Variants in SORBS2 observed in about 807,000 individuals in gnomAD.
SORBS2 encodes sorbin and SH3 domain-containing protein 2.
SORBS2 carries 46 observed loss-of-function variants against 97.7 expected under a neutral mutation model. That is an observed-to-expected ratio of 0.47 (90% confidence interval 0.37 to 0.60). The LOEUF is 0.60. SORBS2 is among the 20% of genes least tolerant of loss of function. The pLI, the probability that SORBS2 is intolerant of heterozygous loss-of-function variation, is 0.00. For synonymous variants in SORBS2, 476 were observed against 473.4 expected, an observed-to-expected ratio of 1.01 and a Z score of -0.07; for missense variants, 1,316 against 1,282.3, an observed-to-expected ratio of 1.03 and a Z score of -0.40.
chr4:185,812,839 A>G (rs1193963179), intron 1 of SORBS2: 3 of 152,228 alleles, frequency 2.0e-5, no homozygotes, highest in African/African-American at 4.8e-5. Context: ...AAAAAATCCT[A>G]TTGCTTCTAC....
Position 185,857,943 on chromosome 4 carries a change from C to A in SORBS2, c.-337-82577G>T, listed in dbSNP as rs528957897. ...ATCAGTAATTCTAATTTTGCCCTTG[C>A]CTTGTGATCTTGCTCTGCCTTTGCC... On this transcript the variant is annotated intron_variant, in intron 1 of 20. Coordinates refer to the SORBS2 transcript ENST00000284776. 1.8e-3 allele frequency among the ~76,000 whole-genome samples: 272 copies of A among 152,266 alleles called. 1 individual carries two copies. The highest frequency in any genetic ancestry group is 6.1e-3 in the African/African-American group (255 of 41,544).
At chr4:185,905,777 T>C (rs552969763) in intron 1 of SORBS2, among the ~76,000 whole-genome samples, 1 of 152,238 alleles carries the variant, frequency 6.6e-6, no homozygotes, top group Admixed American at 6.5e-5. Flanking sequence ...TCTGTCTTTT[T>C]GTAGGTGTGT....
chr4:185,755,917 A>T (rs1441385572), intron 2 of SORBS2, among the ~76,000 whole-genome samples: 1 of 152,232 alleles, frequency 6.6e-6, no homozygotes, highest in East Asian at 1.9e-4. Context: ...GTAACTCTGC[A>T]TGTCAGAAAA....
chr4:185,706,297 G>A (rs1279729717), intron 2 of SORBS2, among the ~76,000 whole-genome samples: 1 of 151,990 alleles, frequency 6.6e-6, no homozygotes, highest in Non-Finnish European at 1.5e-5. Flanking sequence ...TCAGTACATG[G>A]GCTGTTTGTA....
chr4:185,656,440 C>CTT lies in SORBS2; in HGVS notation c.24+173_24+174dup, dbSNP rs35080375. Among the ~76,000 whole-genome samples, 166 of 141,014 alleles carry CTT rather than the reference C, an allele frequency of 1.2e-3. 1 individual carries two copies. Among genetic ancestry groups the CTT allele is most frequent in the African/African-American group, 3.1e-3 (118 of 38,280 alleles). The allele number at this position is 141,014 out of a possible 152,430, so 92.5% of individuals were successfully genotyped here. ...TTGACTGTTTCCAATCTTACCACGG[C>CTT]TTTTTTTTTTTTTTTCCTGCTCTCT... is the stretch of plus-strand genomic sequence containing the variant. On this transcript the variant is annotated intron_variant, in intron 1 of 14. Transcript: ENST00000418609.
At chr4:185,705,695 G>A (rs2098333182) in intron 2 of SORBS2, among the ~76,000 whole-genome samples, 1 of 152,144 alleles carries the variant, frequency 6.6e-6, no homozygotes, top group South Asian at 2.1e-4. Context: ...TTTACCCAGT[G>A]AATATTTATA....
intron 1 of SORBS2, among the ~76,000 whole-genome samples, chr4:185,852,720 G>A (rs1317235700): frequency 6.6e-6 from 1 of 152,196 alleles, no homozygotes; most frequent in African/African-American, 2.4e-5. Context: ...ATATTCAGTA[G>A]AGCGGGCTTC....
chr4:185,933,616 G>T (rs184187059), intron 1 of SORBS2, among the ~76,000 whole-genome samples: 5 of 151,988 alleles, frequency 3.3e-5, no homozygotes, highest in Admixed American at 2.6e-4. Context: ...ATCTTTGCAC[G>T]GTATTCCCCT....
At chr4:185,842,802 G>A (rs2099212358) in intron 1 of SORBS2, among the ~76,000 whole-genome samples, 1 of 151,990 alleles carries the variant, frequency 6.6e-6, no homozygotes, top group Non-Finnish European at 1.5e-5. Context: ...AGGCATGGTA[G>A]TATATGCCTG....
chr4:185,658,384 A>G (rs953901961), upstream of SORBS2, among the ~76,000 whole-genome samples: 2 of 145,436 alleles, frequency 1.4e-5, no homozygotes, highest in African/African-American at 2.6e-5. Flanking sequence ...TGCAGTATAT[A>G]GTCCATTTAC....
At chr4:185,799,895 G>A (rs1382558412) in intron 1 of SORBS2, among the ~76,000 whole-genome samples, 2 of 152,162 alleles carry the variant, frequency 1.3e-5, no homozygotes, top group Non-Finnish European at 2.9e-5. Flanking sequence ...ACCCGACAAT[G>A]TGTGAGTCCA....
chr4:185,653,270 G>A (rs67963647), intron 1 of SORBS2, among the ~76,000 whole-genome samples: 22,070 of 152,148 alleles, frequency 0.15, 1,713 homozygotes, highest in Middle Eastern at 0.19. Context: ...AGAGTCCTAC[G>A]GAAAATTTAA....
chr4:185,907,140 A>G (rs1436220846), intron 1 of SORBS2, among the ~76,000 whole-genome samples: 1 of 144,748 alleles, frequency 6.9e-6, no homozygotes, highest in South Asian at 2.2e-4. Flanking sequence ...CATCATAACA[A>G]AAAAAAAAAA....
chr4:185,887,480 G>T (rs2099240266), intron 1 of SORBS2, among the ~76,000 whole-genome samples: 1 of 152,164 alleles, frequency 6.6e-6, no homozygotes, highest in Admixed American at 6.5e-5. Flanking sequence ...GCAGACCGTG[G>T]CATTTATTAT....
intron 1 of SORBS2, among the ~76,000 whole-genome samples, chr4:185,948,335 G>A (rs796851792): frequency 7.9e-5 from 12 of 151,988 alleles, no homozygotes; most frequent in African/African-American, 2.9e-4. Flanking sequence ...GGCCATCTCA[G>A]GAAACAGTTT....
chr4:185,881,726 A>G (rs2099236973), intron 1 of SORBS2, among the ~76,000 whole-genome samples: 1 of 152,200 alleles, frequency 6.6e-6, no homozygotes, highest in African/African-American at 2.4e-5. Context: ...TTAATTTGAA[A>G]CTAAAACTAA....
In SORBS2 at chr4:185,684,681, G is replaced by T. The variant is rs919324211; in HGVS notation, c.-197-5859C>A. 4.5e-6 allele frequency: 5 copies of T among 1,101,556 alleles called. No individual in the cohort carries two copies. Among genetic ancestry groups the T allele is most frequent in the African/African-American group, 1.6e-5 (1 of 63,310 alleles). The allele number at this position is 1,101,556 out of a possible 1,614,324, so 68.2% of individuals were successfully genotyped here. On this transcript the variant is annotated intron_variant, in intron 2 of 20. Transcript: ENST00000284776. This position sits in a 1 kb window ranked among gnomAD's most constrained non-coding sequence, Gnocchi z 4.2. ...GATCTCATTTTCCTTTGCTTTTTAC[G>T]TTTAGAACAAAAACAGTCAGAAGAG...
intron 2 of SORBS2, among the ~76,000 whole-genome samples, chr4:185,727,860 G>A (rs1348503997): frequency 2.0e-5 from 3 of 152,168 alleles, no homozygotes; most frequent in African/African-American, 7.2e-5. Context: ...CCCTGAATCT[G>A]CTCCAGACAG....
intron 2 of SORBS2, among the ~76,000 whole-genome samples, chr4:185,710,598 T>C (rs1566351): frequency 0.74 from 112,114 of 152,144 alleles, 42,570 homozygotes; most frequent in Non-Finnish European, 0.84. Flanking sequence ...CTGTTTGTGT[T>C]ATGGTCATTA....
Sources: allele counts gnomAD v4.1 joint callset (sites outside exome capture counted in the v4.1 genomes callset), GRCh38; gene constraint gnomAD v4.1.1; non-coding constraint Gnocchi (gnomAD v3.1); transcripts MANE v1.5; gene names NCBI Gene and HGNC (gene_info 2026-07-23, HGNC 2026-07-21).